ABTB2: variants seen among roughly 807,000 people sequenced by gnomAD.
ABTB2 encodes the protein ankyrin repeat and BTB/POZ domain-containing protein 2.
ABTB2 carries 56 observed loss-of-function variants against 104.1 expected under a neutral mutation model. The ratio of observed to expected loss-of-function variants is 0.54; its 90% CI spans 0.43 to 0.67. ABTB2 has a LOEUF of 0.67. Among genes scored for constraint, ABTB2 ranks in the 30% least tolerant of loss-of-function variants. The pLI is 0.00. For synonymous variants in ABTB2, 606 were observed against 608.2 expected (o/e 1.00, Z 0.05); for missense variants, 1,279 against 1,407.7 (o/e 0.91, Z 1.46).
chr11:34,298,264 C>T (rs576532717), intron 1 of ABTB2, among the ~76,000 whole-genome samples: 5 of 152,110 alleles, frequency 3.3e-5, no homozygotes, highest in Non-Finnish European at 7.4e-5. Flanking sequence ...CCACAGAATA[C>T]ATATCCACAT....
In ABTB2 at chr11:34,357,188, G is replaced by C; in HGVS notation, c.396C>G (p.Leu132=). The C allele has an allele frequency of 6.6e-7, 1 of 1,508,538 alleles. No individual in the cohort carries two copies. Among genetic ancestry groups the C allele is most frequent in the Non-Finnish European group, 8.8e-7 (1 of 1,136,592 alleles). 93.4% of individuals were successfully genotyped at this position (1,508,538 alleles called of 1,614,324 possible). Residue 132 remains leucine (L), a synonymous_variant, in exon 1 of 17, where the codon CTC becomes CTG. Transcript: ENST00000435224. ...AEAVRRLAGL[L]RRALIRVARE... Reference sequence around the variant, plus strand: ...GGGCCACGCGGATCAGTGCCCTGCGGAGCAGCCCGGCCAGGCGCCTCACCG... The same window carrying C: ...GGGCCACGCGGATCAGTGCCCTGCGCAGCAGCCCGGCCAGGCGCCTCACCG...
chr11:34,325,157 G>A (rs909261064), intron 1 of ABTB2, among the ~76,000 whole-genome samples: 3 of 152,068 alleles, frequency 2.0e-5, no homozygotes, highest in East Asian at 1.9e-4. Context: ...CTGATATTAT[G>A]TGCATAATCC....
At chr11:34,264,791 G>C (rs1854228606) in intron 1 of ABTB2, among the ~76,000 whole-genome samples, 1 of 152,174 alleles carries the variant, frequency 6.6e-6, no homozygotes, top group Non-Finnish European at 1.5e-5. Context: ...CTGCTGGCCC[G>C]AGCCTGTAAT....
intron 3 of ABTB2, among the ~76,000 whole-genome samples, chr11:34,192,283 A>G (rs1853186319): frequency 6.6e-6 from 1 of 152,150 alleles, no homozygotes; most frequent in South Asian, 2.1e-4. Flanking sequence ...ACAGAGCAAG[A>G]CCCTGTTTCC....
intron 4 of ABTB2, among the ~76,000 whole-genome samples, chr11:34,172,395 A>AAATAT (rs1554980662): frequency 7.6e-4 from 22 of 29,056 alleles, no homozygotes; most frequent in African/African-American, 2.1e-3. Flanking sequence ...AAAAAAAAAA[A>AAATAT]ATATATATAT....
rs1157886289 is a variant in ABTB2 at position 34,182,497 on chromosome 11, T to TGGG, written c.1245-9193_1245-9191dup. ...GCTTGAGGTGGGGCATTGGGTTCTCTGGGGGGGGGGGGAAATTCACTTTTC... is the reference window on the plus strand; with the variant it reads ...GCTTGAGGTGGGGCATTGGGTTCTCTGGGGGGGGGGGGGGGAAATTCACTTTTC... On this transcript the variant is annotated intron_variant, in intron 3 of 16. Transcript: ENST00000435224. 1.1e-3 allele frequency among the ~76,000 whole-genome samples: 79 copies of TGGG among 69,852 alleles called. 4 individuals carry two copies. Among genetic ancestry groups the TGGG allele is most frequent in the African/African-American group, 6.5e-3 (75 of 11,576 alleles). The allele number at this position is 69,852 out of a possible 152,430, so 45.8% of individuals were successfully genotyped here. A position where few individuals can be genotyped will look rare whatever the true frequency, so the allele number is the denominator to read the frequency against.
chr11:34,170,937 C>T lies in ABTB2; in HGVS notation c.1532G>A (p.Gly511Asp), dbSNP rs1256656302. Reference protein sequence around the residue: ...DLINQAIEALGPDGVNTMDDQ... With the variant: ...DLINQAIEALDPDGVNTMDDQ... ...ATCCATGGTGTTAACCCCATCCGGA[C>T]CCAAGGCCTCGATGGCTTGGTTGAT... Residue 511 changes from glycine to aspartate, a missense_variant, in exon 5 of 17, where the codon GGT becomes GAT. By Grantham distance (94) the Gly-to-Asp change is moderately conservative. Transcript: ENST00000435224. 6 of 1,614,030 alleles carry T rather than the reference C, an allele frequency of 3.7e-6. No homozygotes were observed. Among genetic ancestry groups the T allele is most frequent in the South Asian group, 3.3e-5 (3 of 91,090 alleles).
rs1354337791 is a variant in ABTB2, at chr11:34,357,538, T to C, written c.46A>G (p.Thr16Ala). Residue 16 changes from threonine to alanine, a missense_variant, in exon 1 of 17, where the codon ACC (threonine) becomes GCC (alanine). Thr to Ala is a moderately conservative substitution (Grantham distance 58). Transcript: ENST00000435224. ...CCGGCCCCATACCCGGAGTCCAAGG[T>C]CAAGTCCTCCAGCGTCTTCAGAGTC... ...SSTLKTLEDL[T>A]LDSGYGAGDS... The C allele has an allele frequency of 6.5e-7, 1 of 1,536,722 alleles. No homozygotes were observed.
At chr11:34,296,675 C>A (rs1454138166) in intron 1 of ABTB2, among the ~76,000 whole-genome samples, 2 of 152,154 alleles carry the variant, frequency 1.3e-5, no homozygotes, top group Non-Finnish European at 2.9e-5. Context: ...AGACAGGAAT[C>A]TCAGAACTGC....
intron 1 of ABTB2, among the ~76,000 whole-genome samples, chr11:34,271,010 G>A (rs940140502): frequency 1.3e-5 from 2 of 152,140 alleles, no homozygotes; most frequent in Non-Finnish European, 2.9e-5. Flanking sequence ...GCAGCCAGAG[G>A]TGGGGATGGG....
Position 34,162,798 on chromosome 11 carries a change from G to A in ABTB2, c.1996C>T (p.Leu666=). 1.2e-6 allele frequency: 2 copies of A among 1,602,144 alleles called. No individual in the cohort carries two copies. The highest frequency in any genetic ancestry group is 2.2e-5 in the East Asian group (1 of 44,814). The change falls in exon 10 of 17, where the codon CTG becomes TTG. Residue 666 remains leucine (L), a synonymous_variant. Coordinates refer to ENST00000435224, the MANE Select transcript of ABTB2 (RefSeq NM_145804.3). ...HSAAHGHRNV[L]RKLLTQPQQA... is the part of the protein sequence containing the mutation. ...TGTGGCTGCGTCAGGAGCTTCCTCA[G>A]GACGTTCCTGCAGGCCCAGGGATGA...
chr11:34,208,417 G>A (rs575437771), intron 1 of ABTB2, among the ~76,000 whole-genome samples: 1 of 152,238 alleles, frequency 6.6e-6, no homozygotes, highest in Non-Finnish European at 1.5e-5. Context: ...AAGCCACGGA[G>A]GGAACCGCAT....
intron 4 of ABTB2, among the ~76,000 whole-genome samples, chr11:34,171,510 G>A (rs185129040): frequency 1.3e-5 from 2 of 152,270 alleles, no homozygotes; most frequent in East Asian, 3.9e-4. Flanking sequence ...GGAGGCAGAG[G>A]TTGCAGTGAG....
chr11:34,317,951 C>G (rs936514709), intron 1 of ABTB2, among the ~76,000 whole-genome samples: 2 of 149,524 alleles, frequency 1.3e-5, no homozygotes, highest in African/African-American at 5.0e-5. Flanking sequence ...CTCCTCCCCT[C>G]CCCACGTCCC....
intron 1 of ABTB2, among the ~76,000 whole-genome samples, chr11:34,346,273 A>AT (rs35741960): frequency 0.15 from 23,270 of 150,782 alleles, 3,114 homozygotes; most frequent in East Asian, 0.35. Context: ...AGCATATTTA[A>AT]TTTTTTTTTT....
chr11:34,156,162 G>T (rs572092717), intron 14 of ABTB2, among the ~76,000 whole-genome samples: 33 of 152,374 alleles, frequency 2.2e-4, no homozygotes, highest in African/African-American at 7.7e-4. Flanking sequence ...TTTTGGCAAG[G>T]CCCAGTCTTG....
Position 34,357,779 on chromosome 11 carries a change from A to C in ABTB2, c.-196T>G, listed in dbSNP as rs1407663391. The C allele has an allele frequency of 1.7e-6, 1 of 576,762 alleles. No individual in the cohort carries two copies. The highest frequency in any genetic ancestry group is 3.0e-5 in the South Asian group (1 of 33,758). The allele number at this position is 576,762 out of a possible 1,614,324, so 35.7% of individuals were successfully genotyped here. On this transcript the variant is annotated 5_prime_UTR_variant, in exon 1 of 17. Transcript: ENST00000435224. ...GAGATCCGTGGCCAGCAGGAGCCCC[A>C]CGCTCCCGGCGTCCCGACTCGCAGC...
intron 1 of ABTB2, among the ~76,000 whole-genome samples, chr11:34,347,478 G>A (rs1855347182): frequency 6.6e-6 from 1 of 151,622 alleles, no homozygotes; most frequent in Non-Finnish European, 1.5e-5. Flanking sequence ...GAAACTGTGG[G>A]CCTCAAGTCA....
intron 1 of ABTB2, among the ~76,000 whole-genome samples, chr11:34,274,362 C>G (rs559074859): frequency 1.1e-3 from 164 of 152,060 alleles, no homozygotes; most frequent in African/African-American, 3.8e-3. Context: ...AGCCAGGATT[C>G]AAACCCAGGC....
Sources: allele counts gnomAD v4.1 joint callset (sites outside exome capture counted in the v4.1 genomes callset), GRCh38; gene constraint gnomAD v4.1.1; transcripts MANE v1.5; gene names NCBI Gene and HGNC (gene_info 2026-07-23, HGNC 2026-07-21).